The following PTPN14 variants were observed in gnomAD, a reference collection of about 807,000 sequenced individuals.
PTPN14 encodes tyrosine-protein phosphatase non-receptor type 14.
Under a neutral mutation model 126.8 loss-of-function variants are expected in PTPN14, and 53 were observed. That is an observed-to-expected ratio of 0.42 (90% CI 0.34 to 0.53). PTPN14 has a LOEUF of 0.53. PTPN14 is among the 20% of genes least tolerant of loss of function. The pLI, the probability that PTPN14 is intolerant of heterozygous loss-of-function variation, is 0.08. For synonymous variants in PTPN14, 630 were observed against 599.3 expected (o/e 1.05, Z -0.75); for missense variants, 1,257 against 1,552.9 (o/e 0.81, Z 3.20).
chr1:214,499,391 A>G (rs1157391884), intron 1 of PTPN14, among the ~76,000 whole-genome samples: 1 of 152,132 alleles, frequency 6.6e-6, no homozygotes, highest in Non-Finnish European at 1.5e-5. Context: ...ATATATATAT[A>G]TATATGCTGG....
chr1:214,478,877 A>G (rs1437140164), intron 1 of PTPN14, among the ~76,000 whole-genome samples: 1 of 152,226 alleles, frequency 6.6e-6, no homozygotes, highest in African/African-American at 2.4e-5. Context: ...GTACATTTAC[A>G]TAATAAAATA....
At chr1:214,449,663 A>G (rs755253851) in intron 3 of PTPN14, among the ~76,000 whole-genome samples, 4 of 152,172 alleles carry the variant, frequency 2.6e-5, no homozygotes, top group Non-Finnish European at 4.4e-5. Flanking sequence ...TTTGTACAGG[A>G]AGAACTTGGA....
chr1:214,384,592 C>T lies in PTPN14; in HGVS notation c.1263G>A (p.Met421Ile). 1 of 1,614,136 alleles carries T rather than the reference C, an allele frequency of 6.2e-7. No individual in the cohort carries two copies. Among genetic ancestry groups the T allele is most frequent in the Non-Finnish European group, 8.5e-7 (1 of 1,180,030 alleles). ...SNLSIPGSDI[M>I]RADYIPSHRH... ...GGTGGCTCGGGATGTAGTCGGCCCGCATGATGTCACTCCCAGGGATACTGA... is the reference window on the plus strand; with the variant it reads ...GGTGGCTCGGGATGTAGTCGGCCCGTATGATGTCACTCCCAGGGATACTGA... The change falls in exon 13 of 19, where the codon ATG (methionine) becomes ATA (isoleucine). Residue 421 changes from methionine (M) to isoleucine (I), a missense_variant. Met to Ile is a conservative substitution (Grantham distance 10). Around this residue, in one of 3 missense-constraint regions of PTPN14, gnomAD observed 1,021 missense variants for 1,183.3 expected, o/e 0.86. Coordinates refer to ENST00000366956, the MANE Select transcript of PTPN14 (RefSeq NM_005401.5). The surrounding 1 kb of genome is among the most constrained non-coding windows in gnomAD (Gnocchi z 5.3).
At chr1:214,532,995 G>A in intron 1 of PTPN14, 1 of 759,454 alleles carries the variant, frequency 1.3e-6, no homozygotes, top group East Asian at 2.4e-5. Flanking sequence ...GCTGGTCTGA[G>A]CGGACTGAGG....
chr1:214,394,836 G>A, intron 9 of PTPN14, 63 bp downstream of exon 9: 1 of 1,365,942 alleles, frequency 7.3e-7, no homozygotes, highest in South Asian at 1.2e-5. Context: ...AAGGACATTA[G>A]GAGTTGAAAA....
chr1:214,524,961 A>T (rs1558141696), intron 1 of PTPN14, among the ~76,000 whole-genome samples: 1 of 152,220 alleles, frequency 6.6e-6, no homozygotes, highest in East Asian at 1.9e-4. Flanking sequence ...GTAAGTGTAC[A>T]CTATAAAGGA....
At chr1:214,419,938 C>T (rs1318581915) in intron 3 of PTPN14, among the ~76,000 whole-genome samples, 3 of 152,124 alleles carry the variant, frequency 2.0e-5, no homozygotes, top group Non-Finnish European at 1.5e-5. Context: ...TGAATGCCTC[C>T]CTCCCTCCAT....
intron 1 of PTPN14, among the ~76,000 whole-genome samples, chr1:214,525,401 G>T (rs184470233): frequency 2.6e-5 from 4 of 152,258 alleles, no homozygotes; most frequent in Admixed American, 2.6e-4. Context: ...TACTGCATAC[G>T]TTATAGTCCC....
At chr1:214,477,388 C>A (rs1247676835) in intron 1 of PTPN14, among the ~76,000 whole-genome samples, 1 of 152,158 alleles carries the variant, frequency 6.6e-6, no homozygotes, top group Non-Finnish European at 1.5e-5. Context: ...AAACCCATTA[C>A]AATTGTTCTT....
intron 3 of PTPN14, among the ~76,000 whole-genome samples, chr1:214,444,778 C>T (rs954625749): frequency 6.6e-6 from 1 of 152,110 alleles, no homozygotes; most frequent in African/African-American, 2.4e-5. Context: ...CCATTTTAAC[C>T]CTTATGAAGA....
At position 214,364,768 on chromosome 1, in the gene PTPN14, T is replaced by A. The variant is rs1390585271; in HGVS notation, c.3272-93A>T. On this transcript the variant is annotated intron_variant, in intron 17 of 18. Coordinates refer to ENST00000366956, the MANE Select transcript of PTPN14 (RefSeq NM_005401.5). The surrounding 1 kb of genome is among the most constrained non-coding windows in gnomAD (Gnocchi z 4.1). ...GGAGCGGAAGAGAACTGATGGTGAG[T>A]GTGTGTGTGTGTGTGTGTGTGTGTG... The A allele has an allele frequency of 4.8e-5, 15 of 311,894 alleles. No individual in the cohort carries two copies. The highest frequency in any genetic ancestry group is 8.0e-5 in the South Asian group (2 of 24,962). The allele number at this position is 311,894 out of a possible 1,614,324, so 19.3% of individuals were successfully genotyped here. A position where few individuals can be genotyped will look rare whatever the true frequency, so the allele number is the denominator to read the frequency against.
At chr1:214,424,445 G>C (rs1659614468) in intron 3 of PTPN14, among the ~76,000 whole-genome samples, 1 of 152,142 alleles carries the variant, frequency 6.6e-6, no homozygotes, top group South Asian at 2.1e-4. Flanking sequence ...CAATATGAGA[G>C]ATAATTCGGA....
chr1:214,448,319 C>T (rs1018351220), intron 3 of PTPN14, among the ~76,000 whole-genome samples: 1 of 152,118 alleles, frequency 6.6e-6, no homozygotes, highest in Non-Finnish European at 1.5e-5. Flanking sequence ...CAAGCTCCGC[C>T]TCCCAGGTTC....
intron 1 of PTPN14, among the ~76,000 whole-genome samples, chr1:214,515,331 T>C (rs1425607862): frequency 6.6e-6 from 1 of 152,172 alleles, no homozygotes; most frequent in Non-Finnish European, 1.5e-5. Context: ...CGATAATATG[T>C]CTATCTTCCT....
intron 11 of PTPN14, among the ~76,000 whole-genome samples, chr1:214,389,842 A>T (rs2102547226): frequency 6.6e-6 from 1 of 152,378 alleles, no homozygotes; most frequent in Non-Finnish European, 1.5e-5. Context: ...AATCAGTGCC[A>T]TGAACAAATC....
chr1:214,367,263 G>A (rs1256500312), intron 17 of PTPN14, among the ~76,000 whole-genome samples: 1 of 152,146 alleles, frequency 6.6e-6, no homozygotes, highest in Admixed American at 6.5e-5. Flanking sequence ...CTTATTTCAA[G>A]CTACAGATAA....
chr1:214,529,357 A>G (rs1015557235), intron 1 of PTPN14: 3 of 152,164 alleles, frequency 2.0e-5, no homozygotes, highest in African/African-American at 7.2e-5. Context: ...CCTAATCTCT[A>G]TGGTCATAGA....
At position 214,383,876 on chromosome 1, in the gene PTPN14, G is replaced by A. The variant is rs528924376; in HGVS notation, c.1979C>T (p.Ser660Leu). ...VRGMEAMTLKSLHLPMARRNT... is the reference protein window; with the variant it reads ...VRGMEAMTLKLLHLPMARRNT... The stretch of plus-strand genomic sequence containing the variant: ...GCGGCGAGCCATGGGGAGGTGGAGC[G>A]ACTTGAGCGTCATGGCCTCCATGCC... The change falls in exon 13 of 19, where the codon TCG becomes TTG. Residue 660 changes from serine (S) to leucine (L), a missense_variant. This residue lies in a region of PTPN14 where 1,021 missense variants were observed against 1,183.3 expected (regional missense o/e 0.86). Coordinates refer to ENST00000366956, the MANE Select transcript of PTPN14 (RefSeq NM_005401.5). The surrounding 1 kb of genome is among the most constrained non-coding windows in gnomAD (Gnocchi z 4.4). 37 of 1,613,062 alleles carry A rather than the reference G, an allele frequency of 2.3e-5. 1 individual carries two copies. In the East Asian group the frequency reaches 4.0e-4, roughly 17 times the overall value.
At chr1:214,527,782 C>G (rs918139916) in intron 1 of PTPN14, among the ~76,000 whole-genome samples, 1 of 152,190 alleles carries the variant, frequency 6.6e-6, no homozygotes, top group African/African-American at 2.4e-5. Flanking sequence ...AGTAGGTAAG[C>G]TGAACTTGCA....
Sources: gnomAD v4.1 joint callset for allele counts (sites outside exome capture counted in the v4.1 genomes callset) on GRCh38, gnomAD v4.1.1 for gene constraint, gnomAD v4.1.1 regional missense constraint, Gnocchi (gnomAD v3.1) non-coding constraint, MANE v1.5 for transcripts, NCBI Gene and HGNC (gene_info 2026-07-23, HGNC 2026-07-21) for gene names.